The following ACACB variants were observed in gnomAD, a reference collection of about 807,000 sequenced individuals.
The protein encoded by ACACB is acetyl-CoA carboxylase beta.
Under a neutral mutation model 278.8 loss-of-function variants are expected in ACACB, and 209 were observed. The observed-to-expected ratio is 0.75, with a 90% confidence interval of 0.67 to 0.84. The LOEUF is 0.84. ACACB is among the 40% of genes least tolerant of loss of function. The probability of loss-of-function intolerance (pLI) is 0.00; values close to 1 mark genes in which losing one functional copy is unlikely to be tolerated. For synonymous variants in ACACB, 1,174 were observed against 1,285.6 expected (o/e 0.91, Z 1.86); for missense variants, 2,850 against 3,269.0 (o/e 0.87, Z 3.13).
At chr12:109,217,342 T>G (rs1469830104) in intron 24 of ACACB, among the ~76,000 whole-genome samples, 1 of 152,150 alleles carries the variant, frequency 6.6e-6, no homozygotes, top group Non-Finnish European at 1.5e-5. Flanking sequence ...TGCAGGTTGG[T>G]GTGGTCTCTG....
chr12:109,224,441 G>C (rs1182117329), intron 27 of ACACB, among the ~76,000 whole-genome samples: 1 of 151,724 alleles, frequency 6.6e-6, no homozygotes, highest in Non-Finnish European at 1.5e-5. Context: ...AGGTGGTCTT[G>C]CTCCCGGGAG....
intron 48 of ACACB, 121 bp from the exon 49 acceptor site, chr12:109,262,236 G>T: frequency 1.4e-6 from 1 of 707,028 alleles, no homozygotes; most frequent in Non-Finnish European, 2.4e-6. Context: ...GGGGGTAAAA[G>T]AGCTGAGGAC....
chr12:109,172,408 T>A, intron 6 of ACACB, 52 bp downstream of exon 6: 1 of 1,534,268 alleles, frequency 6.5e-7, no homozygotes, highest in Non-Finnish European at 9.0e-7. Context: ...GCTGGGACAC[T>A]CTGCTGGGTC....
chr12:109,254,265 G>T lies in ACACB; in HGVS notation c.6097G>T (p.Glu2033Ter). 1.2e-6 allele frequency: 2 copies of T among 1,613,918 alleles called. No individual in the cohort carries two copies. The highest frequency in any genetic ancestry group is 1.7e-6 in the Non-Finnish European group (2 of 1,179,930). Residue 2033 changes from glutamate (E) to a stop codon, truncating the protein, a stop_gained, in exon 44 of 53, where the codon GAA (glutamate) becomes TAA (stop). Transcript: ENST00000338432. LOFTEE classifies it high-confidence loss of function. ...IITPTDPIDR[E>*]IEFLPSRAPY... ...CACACCCACTGACCCCATTGACAGA[G>T]AAATTGAATTCCTCCCATCCAGAGC...
At chr12:109,150,956 TTTTTCTTTTC>T (rs1008579974) in intron 2 of ACACB, among the ~76,000 whole-genome samples, 1 of 151,306 alleles carries the variant, frequency 6.6e-6, no homozygotes, top group East Asian at 2.0e-4. Context: ...TCTTTTTCTT[TTTTTCTTTTC>T]TTTTCTTTTT....
rs527344522 is a variant in ACACB at position 109,206,376 on chromosome 12, G to A, written c.2914-334G>A. On this transcript the variant is annotated intron_variant, in intron 19 of 52. Transcript: ENST00000338432. ...TTGAACCCGGGAGGCAGAGGTTGCA[G>A]TGAGCCGAGGTCATGCCACTGCAGT... is the stretch of plus-strand genomic sequence containing the variant. Among the ~76,000 whole-genome samples, 45 of 145,866 alleles carry A rather than the reference G, an allele frequency of 3.1e-4. 1 individual carries two copies. Among genetic ancestry groups the A allele is most frequent in the African/African-American group, 1.0e-3 (38 of 37,630 alleles).
At chr12:109,115,523 C>G (rs57182499), upstream of ACACB, among the ~76,000 whole-genome samples, 3 of 152,158 alleles carry the variant, frequency 2.0e-5, no homozygotes, top group African/African-American at 7.2e-5. Context: ...ATCACAAGGG[C>G]TACTGTGGCT....
chr12:109,127,214 C>T (rs1480036891), intron 1 of ACACB, among the ~76,000 whole-genome samples: 1 of 152,048 alleles, frequency 6.6e-6, no homozygotes, highest in African/African-American at 2.4e-5. Flanking sequence ...AGCCCAGGGT[C>T]GAATGCCATG....
chr12:109,206,487 CTG>C (rs555788690), intron 19 of ACACB, among the ~76,000 whole-genome samples: 26 of 149,042 alleles, frequency 1.7e-4, no homozygotes, highest in Admixed American at 8.0e-4. Context: ...GGGTGTGAAA[CTG>C]TGTACTGGGC....
intron 46 of ACACB, 66 bp downstream of exon 46, chr12:109,258,430 G>T (rs114544266): frequency 1.5e-6 from 2 of 1,369,410 alleles, no homozygotes; most frequent in Non-Finnish European, 2.0e-6. Flanking sequence ...GGTCCTGGGC[G>T]TGGGGGTCCC....
At chr12:109,162,532 G>T (rs75855693) in intron 2 of ACACB, among the ~76,000 whole-genome samples, 3 of 152,114 alleles carry the variant, frequency 2.0e-5, no homozygotes, top group Non-Finnish European at 4.4e-5. Flanking sequence ...TGTCCACTTC[G>T]ACCCCAACAG....
chr12:109,209,349 AG>A lies in ACACB; in HGVS notation c.3246del (p.Gln1082HisfsTer3). The stretch of plus-strand genomic sequence containing the variant: ...TCGGTGCTGTGCCAGTTCCCCAGCC[AG>A]CAGGTGCGTGCTCCCCTGCCCAGCC... ...ITSVLCQFPSQQIATILDCHA... is the reference protein window; with the variant it reads ...ITSVLCQFPSXQIATILDCHA... On this transcript the variant is annotated frameshift_variant, in exon 21 of 53. Coordinates refer to ENST00000338432, the MANE Select transcript of ACACB (RefSeq NM_001093.4). LOFTEE classifies it high-confidence loss of function. 6.2e-7 allele frequency: 1 copy of A among 1,609,008 alleles called. No homozygotes were observed. Among genetic ancestry groups the A allele is most frequent in the Non-Finnish European group, 8.5e-7 (1 of 1,177,962 alleles).
intron 2 of ACACB, among the ~76,000 whole-genome samples, chr12:109,166,041 C>G (rs777953495): frequency 7.2e-5 from 11 of 152,086 alleles, no homozygotes; most frequent in Non-Finnish European, 1.6e-4. Flanking sequence ...TTTTGGAAGG[C>G]CGAGGTGGGA....
intron 38 of ACACB, 138 bp downstream of exon 38, chr12:109,245,886 C>G (rs2136704014): frequency 8.8e-7 from 1 of 1,135,700 alleles, no homozygotes; most frequent in East Asian, 2.5e-5. Flanking sequence ...GTCAGAAGTT[C>G]AAGACCAGCC....
Position 109,210,210 on chromosome 12 carries a change from T to C in ACACB, c.3249+857T>C, listed in dbSNP as rs750082658. On this transcript the variant is annotated intron_variant, in intron 21 of 52. Transcript: ENST00000338432. ...ACACGTGTGTATATGTATATATGTA[T>C]ATATACACACATGTGTGTATATGTA... 5.6e-3 allele frequency among the ~76,000 whole-genome samples: 228 copies of C among 40,852 alleles called. 41 individuals carry two copies. Among genetic ancestry groups the C allele is most frequent in the African/African-American group, 0.024 (195 of 8,168 alleles). 26.8% of individuals were successfully genotyped at this position (40,852 alleles called of 152,430 possible).
At chr12:109,142,028 G>A (rs1024978325) in intron 2 of ACACB, among the ~76,000 whole-genome samples, 1 of 152,042 alleles carries the variant, frequency 6.6e-6, no homozygotes, top group African/African-American at 2.4e-5. Context: ...CAGGAGGATC[G>A]CTTGAGGCCA....
At chr12:109,202,937 G>A (rs1399814705) in intron 19 of ACACB, among the ~76,000 whole-genome samples, 1 of 152,046 alleles carries the variant, frequency 6.6e-6, no homozygotes. Flanking sequence ...CATTCACATT[G>A]TTGCACAGCC....
At chr12:109,254,869 G>T (rs1348852201) in intron 44 of ACACB, among the ~76,000 whole-genome samples, 3 of 151,918 alleles carry the variant, frequency 2.0e-5, no homozygotes, top group Admixed American at 2.0e-4. Flanking sequence ...CTACCTCCTG[G>T]GTTCAAGTGA....
At chr12:109,119,285 C>T (rs1402504568) in intron 1 of ACACB, among the ~76,000 whole-genome samples, 2 of 152,042 alleles carry the variant, frequency 1.3e-5, no homozygotes, top group African/African-American at 4.8e-5. Flanking sequence ...CAGAAAACAA[C>T]TACACATAGA....
Sources: gnomAD v4.1 joint callset for allele counts (sites outside exome capture counted in the v4.1 genomes callset) on GRCh38, gnomAD v4.1.1 for gene constraint, MANE v1.5 for transcripts, NCBI Gene and HGNC (gene_info 2026-07-23, HGNC 2026-07-21) for gene names.